The following PLEC variants were observed in gnomAD, a reference collection of about 807,000 sequenced individuals.
PLEC encodes the protein hemidesmosomal protein 1.
A neutral mutation model predicts 392.8 loss-of-function variants in PLEC; 216 were observed. That is an observed-to-expected ratio of 0.55 (90% CI 0.49 to 0.62). The LOEUF (loss-of-function observed/expected upper bound fraction) is 0.62. PLEC is among the 20% of genes least tolerant of loss of function. The pLI, the probability that PLEC is intolerant of heterozygous loss-of-function variation, is 0.00. For missense variants in PLEC, 6,863 were observed against 6,563.4 expected (o/e 1.05, Z -1.58); for synonymous variants, 3,621 against 2,980.6 (o/e 1.21, Z -7.00).
chr8:143,934,698 C>G lies in PLEC; in HGVS notation c.978G>C (p.Glu326Asp). 3 of 1,612,878 alleles carry G rather than the reference C, an allele frequency of 1.9e-6. No individual in the cohort carries two copies. Among genetic ancestry groups the G allele is most frequent in the Non-Finnish European group, 2.5e-6 (3 of 1,179,956 alleles). Residue 326 changes from glutamate (E) to aspartate (D), a missense_variant, in exon 10 of 32, where the codon GAG becomes GAC. Transcript: ENST00000345136. ...CGGCCTCCTTGGCTGGTAGCTCCAT[C>G]TCCTTAAACTTCAGGAACTGAGACC... The part of the protein sequence containing the change: ...ILWSQFLKFK[E>D]MELPAKEADK...
In PLEC at chr8:143,926,677, G is replaced by A. The variant is rs1554705678; in HGVS notation, c.4044+107C>T. On this transcript the variant is annotated intron_variant, in intron 30 of 31. Transcript: ENST00000345136. ...TGCTGGCAGCGCCAGTGGGGAGAGT[G>A]GGGAGGGCCACGAGAGGTGGCCTCA... is the stretch of plus-strand genomic sequence containing the variant. 5.4e-6 allele frequency: 5 copies of A among 929,928 alleles called. No individual in the cohort carries two copies. The African/African-American group carries it at 8.1e-5, about 15-fold the overall frequency. The allele number at this position is 929,928 out of a possible 1,614,324, so 57.6% of individuals were successfully genotyped here.
Position 143,929,421 on chromosome 8 carries a change from T to C in PLEC, c.3074A>G (p.Glu1025Gly). 6.4e-6 allele frequency: 10 copies of C among 1,565,154 alleles called. No individual in the cohort carries two copies. Among genetic ancestry groups the C allele is most frequent in the Non-Finnish European group, 8.6e-6 (10 of 1,157,338 alleles). The change falls in exon 24 of 32, where the codon GAG (glutamate) becomes GGG (glycine). Residue 1025 changes from glutamate to glycine, a missense_variant. Glu to Gly is a moderately conservative substitution (Grantham distance 98). Transcript: ENST00000345136. ...PARECAQRIA[E>G]QQKAQAEVEG... is the part of the protein sequence containing the mutation. ...GGGGGGGACGGCCCCTGCCTGCTGC[T>C]CGGCGATGCGCTGGGCACACTCCCG...
rs782648152 is a variant in PLEC, at chr8:143,937,239, G to T, written c.268C>A (p.Arg90=). 6.2e-7 allele frequency: 1 copy of T among 1,611,566 alleles called. No individual in the cohort carries two copies. Among genetic ancestry groups the T allele is most frequent in the Non-Finnish European group, 8.5e-7 (1 of 1,178,872 alleles). Residue 90 remains arginine, a synonymous_variant, in exon 4 of 32, where the codon CGG becomes AGG. Transcript: ENST00000345136. The stretch of plus-strand genomic sequence containing the variant: ...TGGAAACGCATCCTCCCCTTCTCCC[G>T]GGGCTGTGGGGAGGCACAGTCAGCA... ...LEVLSGDSLP[R]EKGRMRFHKL... is the part of the protein sequence containing the mutation.
At chr8:143,951,288 G>A (rs1213746995), upstream of PLEC, among the ~76,000 whole-genome samples, 1 of 152,126 alleles carries the variant, frequency 6.6e-6, no homozygotes, top group Non-Finnish European at 1.5e-5. Context: ...GATCTGAAGG[G>A]GGGTGCTGGG....
upstream of PLEC, among the ~76,000 whole-genome samples, chr8:143,944,210 C>T (rs1051293640): frequency 2.0e-5 from 3 of 152,114 alleles, no homozygotes; most frequent in Non-Finnish European, 2.9e-5. Context: ...CGGCCACACC[C>T]GCCGGGAGGA....
intron 1 of PLEC, chr8:143,944,715 G>A: frequency 7.8e-7 from 1 of 1,289,522 alleles, no homozygotes; most frequent in East Asian, 3.0e-5. Flanking sequence ...CAGGGGTGTG[G>A]GAGGTCACAG....
In PLEC at chr8:143,936,091, G is replaced by A. The variant is rs938399995; in HGVS notation, c.436-77C>T. 20 of 1,541,550 alleles carry A rather than the reference G, an allele frequency of 1.3e-5. No individual in the cohort carries two copies. In the East Asian group the frequency reaches 1.6e-4, roughly 12 times the overall value. Reference sequence around the variant, plus strand: ...TCTGTGCCCACAGCCACATGCACAGGGGCAGGGGTAGCTCAGCACCCAGGG... The same window carrying A: ...TCTGTGCCCACAGCCACATGCACAGAGGCAGGGGTAGCTCAGCACCCAGGG... On this transcript the variant is annotated intron_variant, in intron 5 of 31. Coordinates refer to ENST00000345136, the MANE Select transcript of PLEC (RefSeq NM_201384.3).
In PLEC at chr8:143,938,243, G is replaced by T. The variant is rs113518239; in HGVS notation, c.175-3C>A. 1 of 1,595,588 alleles carries T rather than the reference G, an allele frequency of 6.3e-7. No homozygotes were observed. Among genetic ancestry groups the T allele is most frequent in the Non-Finnish European group, 8.5e-7 (1 of 1,172,836 alleles). On this transcript the variant is annotated splice_region_variant and splice_polypyrimidine_tract_variant and intron_variant, in intron 2 of 31. Coordinates refer to ENST00000345136, the MANE Select transcript of PLEC (RefSeq NM_201384.3). ...AGGTCACTGATGTGCCTCTGGGCCT[G>T]TGGGGACAGCAGCGGCTGAGGTGGC...
chr8:143,934,500 C>A (rs1828419011), intron 10 of PLEC, 55 bp from the exon 11 acceptor site: 1 of 1,606,930 alleles, frequency 6.2e-7, no homozygotes, highest in Non-Finnish European at 8.5e-7. Flanking sequence ...GGGTGGGGCG[C>A]TGGGCCTTCA....
intron 5 of PLEC, among the ~76,000 whole-genome samples, chr8:143,936,266 C>T (rs561468950): frequency 6.6e-6 from 1 of 152,322 alleles, no homozygotes; most frequent in African/African-American, 2.4e-5. Flanking sequence ...TCAGAACCCC[C>T]AACCCTCACT....
chr8:143,925,865 C>T lies in PLEC; in HGVS notation c.4064G>A (p.Arg1355Gln), dbSNP rs782227274. 17 of 1,547,296 alleles carry T rather than the reference C, an allele frequency of 1.1e-5. No individual in the cohort carries two copies. The highest frequency in any genetic ancestry group is 4.1e-5 in the African/African-American group (3 of 73,660). Reference sequence around the variant, plus strand: ...GGCCAGCCGCTCGCGCTCCTCTGCCCGCTGCTGCTCAGCCAGCCTCTGTGG... The same window carrying T: ...GGCCAGCCGCTCGCGCTCCTCTGCCTGCTGCTGCTCAGCCAGCCTCTGTGG... ...EEEERLAEQQ[R>Q]AEERERLAEV... is the part of the protein sequence containing the mutation. Residue 1355 changes from arginine to glutamine, a missense_variant, in exon 31 of 32, where the codon CGG becomes CAG. By Grantham distance (43) the Arg-to-Gln change is conservative (BLOSUM62 1). Transcript: ENST00000345136.
chr8:143,958,771 T>C, upstream of PLEC: 1 of 356,690 alleles, frequency 2.8e-6, no homozygotes, highest in Non-Finnish European at 6.0e-6. This position sits in a 1 kb window ranked among gnomAD's most constrained non-coding sequence, Gnocchi z 4.9. Context: ...GGCTCCCCCT[T>C]CCCTCCCTCT....
chr8:143,976,069 C>T (rs1208257997), upstream of PLEC, among the ~76,000 whole-genome samples: 7 of 152,344 alleles, frequency 4.6e-5, no homozygotes, highest in East Asian at 1.4e-3. Context: ...CGCAGTCCCA[C>T]CTCGATCTCC....
chr8:143,948,923 CT>C (rs1312482477), intron 1 of PLEC, among the ~76,000 whole-genome samples: 1 of 152,232 alleles, frequency 6.6e-6, no homozygotes, highest in Non-Finnish European at 1.5e-5. Flanking sequence ...GACTACATGC[CT>C]GGCCAAGCAG....
chr8:143,963,645 G>A (rs561934016), intron 1 of PLEC, among the ~76,000 whole-genome samples: 2 of 152,052 alleles, frequency 1.3e-5, no homozygotes, highest in Non-Finnish European at 2.9e-5. Flanking sequence ...ACACAACTTC[G>A]ATGATCAGAT....
In PLEC at chr8:143,927,518, T is replaced by G. The variant is rs1554707677; in HGVS notation, c.3648A>C (p.Ala1216=). The G allele has an allele frequency of 1.3e-6, 2 of 1,597,560 alleles. No individual in the cohort carries two copies. The highest frequency in any genetic ancestry group is 1.7e-6 in the Non-Finnish European group (2 of 1,179,038). The change falls in exon 27 of 32, where the codon GCA becomes GCC. Residue 1216 remains alanine (A), a synonymous_variant. Coordinates refer to ENST00000345136, the MANE Select transcript of PLEC (RefSeq NM_201384.3). ...CCTGCAGCCAGGCGCCCAAGGGGTC[T>G]GCACTCTCGCGGTAGTAACGCAGCT... ...GRQLRYYRES[A]DPLGAWLQDA... is the part of the protein sequence containing the mutation.
In PLEC at chr8:143,924,901, GCGC is replaced by G; in HGVS notation, c.5025_5027del (p.Arg1676del). The G allele has an allele frequency of 6.3e-7, 1 of 1,587,102 alleles. No homozygotes were observed. Among genetic ancestry groups the G allele is most frequent in the Non-Finnish European group, 8.5e-7 (1 of 1,174,428 alleles). On this transcript the variant is annotated inframe_deletion, in exon 31 of 32. Transcript: ENST00000345136. ...GGACGGCCTGCTCCTCCGCCTTGCCGCGCCGCCGCGCCTCGCGCTCCGCCTCCT... is the reference window on the plus strand; with the variant it reads ...GGACGGCCTGCTCCTCCGCCTTGCCGCGCCGCGCCTCGCGCTCCGCCTCCT...
chr8:143,975,330 C>T (rs781915489), upstream of PLEC: 1 of 1,611,484 alleles, frequency 6.2e-7, no homozygotes, highest in Non-Finnish European at 8.5e-7. The surrounding 1 kb of genome is among the most constrained non-coding windows in gnomAD (Gnocchi z 9.9). Context: ...TTGGAGACAT[C>T]TTCAGAGACT....
Position 143,939,401 on chromosome 8 carries a change from A to C in PLEC, c.61T>G (p.Ser21Ala), listed in dbSNP as rs782717262. ...ACAGCCAGGTACAGGTTGTCCTCCG[A>C]GCTGGTTCTCTTTCGGCCCAGGCCC... is the stretch of plus-strand genomic sequence containing the variant. ...PEGLGRKRTS[S>A]EDNLYLAVLR... Residue 21 changes from serine to alanine, a missense_variant, in exon 1 of 32, where the codon TCG becomes GCG. By Grantham distance (99) the Ser-to-Ala change is moderately conservative (BLOSUM62 1). Transcript: ENST00000345136. The C allele has an allele frequency of 2.3e-5, 37 of 1,612,530 alleles. 1 individual carries two copies. The South Asian group carries it at 3.0e-4, about 13-fold the overall frequency.
Sources: gnomAD v4.1 joint callset for allele counts (sites outside exome capture counted in the v4.1 genomes callset) on GRCh38, gnomAD v4.1.1 for gene constraint, Gnocchi (gnomAD v3.1) non-coding constraint, MANE v1.5 for transcripts, NCBI Gene and HGNC (gene_info 2026-07-23, HGNC 2026-07-21) for gene names.